RRH: variants seen among roughly 807,000 people sequenced by gnomAD.
RRH encodes the protein visual pigment-like receptor peropsin.
A neutral mutation model predicts 33.1 loss-of-function variants in RRH; 36 were observed. The ratio of observed to expected loss-of-function variants is 1.09; its 90% confidence interval spans 0.83 to 1.44. RRH has a LOEUF of 1.44. Ranked by LOEUF, RRH falls within the 40% of genes most tolerant of loss-of-function variation. The pLI, the probability that RRH is intolerant of heterozygous loss-of-function variation, is 0.00. For synonymous variants in RRH, 124 were observed against 140.2 expected (o/e 0.88, Z 0.82); for missense variants, 393 against 420.2 (o/e 0.94, Z 0.57).
chr4:109,838,060 G>A (rs535790331), intron 5 of RRH, among the ~76,000 whole-genome samples: 116 of 152,330 alleles, frequency 7.6e-4, no homozygotes, highest in Middle Eastern at 6.8e-3. Flanking sequence ...GATTACAGGT[G>A]TGAGCCAATG....
chr4:109,841,918 T>C (rs1733992930), intron 5 of RRH, among the ~76,000 whole-genome samples: 1 of 152,180 alleles, frequency 6.6e-6, no homozygotes, highest in East Asian at 1.9e-4. Context: ...TTGTCTGCAT[T>C]GTGTGTAACA....
intron 6 of RRH, among the ~76,000 whole-genome samples, chr4:109,843,500 C>T (rs1328485345): frequency 3.3e-5 from 5 of 152,202 alleles, no homozygotes; most frequent in South Asian, 2.1e-4. Flanking sequence ...TGAGCCACCG[C>T]GTCCAGCCGA....
intron 4 of RRH, among the ~76,000 whole-genome samples, chr4:109,836,550 T>G (rs1733888341): frequency 6.6e-6 from 1 of 152,186 alleles, no homozygotes. Flanking sequence ...CCCTGCTGTC[T>G]TTTCAAGATG....
chr4:109,831,065 G>A (rs1352330137), intron 1 of RRH, among the ~76,000 whole-genome samples: 1 of 152,154 alleles, frequency 6.6e-6, no homozygotes, highest in Non-Finnish European at 1.5e-5. Context: ...AGAGAGAATA[G>A]AGAAAAGGGC....
At chr4:109,828,754 G>A (rs1733688648) in intron 1 of RRH, among the ~76,000 whole-genome samples, 2 of 152,044 alleles carry the variant, frequency 1.3e-5, no homozygotes, top group South Asian at 4.2e-4. Flanking sequence ...TTGCAACTGT[G>A]AGCATGTATC....
At chr4:109,829,342 G>A (rs1168737367) in intron 1 of RRH, among the ~76,000 whole-genome samples, 1 of 150,952 alleles carries the variant, frequency 6.6e-6, no homozygotes, top group African/African-American at 2.4e-5. Flanking sequence ...AAAAAAGACT[G>A]AGAAAATCTC....
chr4:109,835,917 C>G (rs1733872549), intron 3 of RRH, 90 bp from the exon 4 acceptor site: 1 of 1,503,312 alleles, frequency 6.7e-7, no homozygotes, highest in Non-Finnish European at 9.3e-7. Flanking sequence ...TGTAAAGAAT[C>G]TACTTGATAA....
intron 1 of RRH, among the ~76,000 whole-genome samples, chr4:109,828,519 A>G (rs1269279725): frequency 6.6e-6 from 1 of 152,198 alleles, no homozygotes. Flanking sequence ...AGTATGCACC[A>G]TGGCAAAAAC....
intron 2 of RRH, among the ~76,000 whole-genome samples, chr4:109,834,497 TTTTTTTTTTTGTA>T (rs1325884207): frequency 4.3e-3 from 1 of 230 alleles, no homozygotes; most frequent in Non-Finnish European, 0.018. Flanking sequence ...GCCTGGCTAA[TTTTTTTTTTTGTA>T]TTTTTTTTTT....
chr4:109,829,254 G>A (rs1259511122), intron 1 of RRH, among the ~76,000 whole-genome samples: 1 of 151,854 alleles, frequency 6.6e-6, no homozygotes, highest in Non-Finnish European at 1.5e-5. Flanking sequence ...TAAGTTTTGC[G>A]ATTTTAGTGA....
intron 5 of RRH, among the ~76,000 whole-genome samples, chr4:109,842,244 A>G (rs1733998187): frequency 6.6e-6 from 1 of 152,124 alleles, no homozygotes; most frequent in Non-Finnish European, 1.5e-5. Context: ...GCAATGTTAT[A>G]TATTCTTGAT....
chr4:109,835,012 T>G (rs906172170), intron 2 of RRH, among the ~76,000 whole-genome samples: 6 of 152,204 alleles, frequency 3.9e-5, no homozygotes, highest in Non-Finnish European at 7.3e-5. Context: ...GTTCATCATC[T>G]GGCCATTTTT....
chr4:109,837,447 T>A lies in RRH; in HGVS notation c.562T>A (p.Ser188Thr). 6.2e-7 allele frequency: 1 copy of A among 1,614,030 alleles called. No homozygotes were observed. Among genetic ancestry groups the A allele is most frequent in the East Asian group, 2.2e-5 (1 of 44,878 alleles). The change falls in exon 5 of 7, where the codon TCT becomes ACT. Residue 188 changes from serine to threonine, a missense_variant. Ser to Thr is a moderately conservative substitution (Grantham distance 58). Transcript: ENST00000317735. ...TTTTCTTATTTTCAGATCTTTTGTG[T>A]CTTACACCATGACAGTTATTGCGAT... ...NWRKNDRSFVSYTMTVIAINF... is the reference protein window; with the variant it reads ...NWRKNDRSFVTYTMTVIAINF...
intron 3 of RRH, among the ~76,000 whole-genome samples, 153 bp from the exon 4 acceptor site, chr4:109,835,854 T>A (rs775902781): frequency 1.3e-5 from 2 of 152,220 alleles, no homozygotes; most frequent in Non-Finnish European, 2.9e-5. Context: ...TTTGTGTTAC[T>A]TTTATTAGGT....
chr4:109,829,502 A>C (rs1453423574), intron 1 of RRH, among the ~76,000 whole-genome samples: 4 of 151,968 alleles, frequency 2.6e-5, no homozygotes, highest in Non-Finnish European at 4.4e-5. Context: ...TATTCTATTT[A>C]GTTCTTATCT....
chr4:109,840,081 C>T, intron 5 of RRH, among the ~76,000 whole-genome samples: 1 of 152,166 alleles, frequency 6.6e-6, no homozygotes. Flanking sequence ...AGTTATACTC[C>T]CATCAAGAGT....
At chr4:109,838,734 T>G (rs1038320232) in intron 5 of RRH, among the ~76,000 whole-genome samples, 20 of 152,360 alleles carry the variant, frequency 1.3e-4, no homozygotes, top group African/African-American at 4.8e-4. Flanking sequence ...CTTCCAGCAT[T>G]GCTACTACAA....
Position 109,836,891 on chromosome 4 carries a change from C to CAAAAAAAAAAAAAAAAAAAAAAAA in RRH, c.552-526_552-525insAAAAAAAAAAAAAAAAAAAAAAAA, listed in dbSNP as rs56989659. Among the ~76,000 whole-genome samples the CAAAAAAAAAAAAAAAAAAAAAAAA allele has an allele frequency of 1.1e-4, 9 of 84,406 alleles. 1 individual carries two copies. The highest frequency in any genetic ancestry group is 4.2e-4 in the African/African-American group (7 of 16,820). 55.4% of individuals were successfully genotyped at this position (84,406 alleles called of 152,430 possible). The stretch of plus-strand genomic sequence containing the variant: ...GCAACATATTGAGACCCTGTCTCTA[C>CAAAAAAAAAAAAAAAAAAAAAAAA]AAAAAAAAAAAAAAAAAAAAGCAGA... On this transcript the variant is annotated intron_variant, in intron 4 of 6. Coordinates refer to ENST00000317735, the MANE Select transcript of RRH (RefSeq NM_006583.5).
chr4:109,836,891 CAAA>C (rs56989659), intron 4 of RRH, among the ~76,000 whole-genome samples: 14,115 of 84,130 alleles, frequency 0.17, 490 homozygotes, highest in African/African-American at 0.27. Flanking sequence ...CCTGTCTCTA[CAAA>C]AAAAAAAAAA....
Sources: gnomAD v4.1 joint callset for allele counts (sites outside exome capture counted in the v4.1 genomes callset) on GRCh38, gnomAD v4.1.1 for gene constraint, MANE v1.5 for transcripts, NCBI Gene and HGNC (gene_info 2026-07-23, HGNC 2026-07-21) for gene names.